Variants in AFAP1L2 observed in about 807,000 individuals in gnomAD.
AFAP1L2 encodes the protein actin filament-associated protein 1-like 2.
AFAP1L2 carries 46 observed loss-of-function variants against 99.3 expected under a neutral mutation model. The ratio of observed to expected loss-of-function variants is 0.46; its 90% CI spans 0.37 to 0.59. The LOEUF (loss-of-function observed/expected upper bound fraction) is 0.59. Among genes scored for constraint, AFAP1L2 ranks in the 20% least tolerant of loss-of-function variants. AFAP1L2 has a pLI of 0.00. For synonymous variants in AFAP1L2, 397 were observed against 419.1 expected, an observed-to-expected ratio of 0.95 and a Z score of 0.64; for missense variants, 959 against 1,034.9, an observed-to-expected ratio of 0.93 and a Z score of 1.01.
chr10:114,344,375 G>C (rs1248293464), intron 1 of AFAP1L2, among the ~76,000 whole-genome samples: 1 of 152,140 alleles, frequency 6.6e-6, no homozygotes, highest in Non-Finnish European at 1.5e-5. Flanking sequence ...AAGGCAATCG[G>C]GGTCTCAAGC....
At position 114,340,595 on chromosome 10, in the gene AFAP1L2, A is replaced by C; in HGVS notation, c.145+8T>G. 2 of 1,613,550 alleles carry C rather than the reference A, an allele frequency of 1.2e-6. No homozygotes were observed. The highest frequency in any genetic ancestry group is 1.7e-6 in the Non-Finnish European group (2 of 1,179,680). ...GAGGCCTCTGCACCACCCAGGGCCC[A>C]CACTCACTGCTGCTTTTGGTGTAAA... On this transcript the variant is annotated splice_region_variant and intron_variant, in intron 2 of 18. Coordinates refer to ENST00000304129, the MANE Select transcript of AFAP1L2 (RefSeq NM_001001936.3).
chr10:114,306,346 C>G (rs1199446233), intron 10 of AFAP1L2, among the ~76,000 whole-genome samples: 1 of 34,876 alleles, frequency 2.9e-5, no homozygotes, highest in Non-Finnish European at 5.7e-5. Context: ...GGAGGGGACG[C>G]GGGGGCAGGA....
chr10:114,334,290 C>A lies in AFAP1L2; in HGVS notation c.146-995G>T, dbSNP rs185114268. On this transcript the variant is annotated intron_variant, in intron 2 of 18. Coordinates refer to ENST00000304129, the MANE Select transcript of AFAP1L2 (RefSeq NM_001001936.3). ...CTCCATTTCCAATCCCCCAAGGACC[C>A]TTTCTTCAGAAGTCTTCAGAGGAAG... Among the ~76,000 whole-genome samples, 168 of 152,370 alleles carry A rather than the reference C, an allele frequency of 1.1e-3. 1 individual carries two copies. Among genetic ancestry groups the A allele is most frequent in the African/African-American group, 3.8e-3 (159 of 41,586 alleles).
At chr10:114,304,181 C>T (rs1346289230) in intron 11 of AFAP1L2, among the ~76,000 whole-genome samples, 2 of 152,202 alleles carry the variant, frequency 1.3e-5, no homozygotes, top group African/African-American at 4.8e-5. Context: ...AGTGAACGGA[C>T]ATTCACGGGC....
intron 3 of AFAP1L2, 124 bp downstream of exon 3, chr10:114,333,097 A>G: frequency 1.1e-6 from 1 of 894,248 alleles, no homozygotes; most frequent in Non-Finnish European, 1.7e-6. Context: ...GCTTCCAAAA[A>G]TAACTCCGCC....
chr10:114,356,094 T>C (rs2051339813), intron 1 of AFAP1L2, among the ~76,000 whole-genome samples: 1 of 152,198 alleles, frequency 6.6e-6, no homozygotes, highest in Non-Finnish European at 1.5e-5. Flanking sequence ...TTTCTTACTA[T>C]GGTCACAATC....
intron 1 of AFAP1L2, among the ~76,000 whole-genome samples, chr10:114,381,670 T>C (rs1375575853): frequency 6.6e-6 from 1 of 151,888 alleles, no homozygotes; most frequent in East Asian, 1.9e-4. Flanking sequence ...TAAAAGGAAA[T>C]AAATTTGACC....
At chr10:114,338,427 T>C (rs1346198237) in intron 2 of AFAP1L2, among the ~76,000 whole-genome samples, 3 of 152,246 alleles carry the variant, frequency 2.0e-5, no homozygotes, top group Non-Finnish European at 4.4e-5. Context: ...TTTCCTTTTT[T>C]AAAAGAATCT....
Position 114,324,409 on chromosome 10 carries a change from C to A in AFAP1L2, c.316-1148G>T, listed in dbSNP as rs1314891686. Among the ~76,000 whole-genome samples, 64 of 146,628 alleles carry A rather than the reference C, an allele frequency of 4.4e-4. No individual in the cohort carries two copies. In the East Asian group the frequency reaches 9.7e-3, roughly 22 times the overall value. On this transcript the variant is annotated intron_variant, in intron 4 of 18. Coordinates refer to ENST00000304129, the MANE Select transcript of AFAP1L2 (RefSeq NM_001001936.3). ...CAGGGGTGCACCACCCCCCCCCCCC[C>A]CCCGGCTAATTTTTGTATTTTTAGC...
chr10:114,283,590 C>T, the AFAP1L2 span, among the ~76,000 whole-genome samples: 1 of 152,172 alleles, frequency 6.6e-6, no homozygotes, highest in Admixed American at 6.5e-5. Context: ...CCCAGCTTTG[C>T]CTCTTACCAA....
intron 2 of AFAP1L2, among the ~76,000 whole-genome samples, chr10:114,336,140 T>C (rs910254638): frequency 6.6e-6 from 1 of 152,242 alleles, no homozygotes; most frequent in African/African-American, 2.4e-5. Context: ...TCGGGTGGGC[T>C]GCAGGCTGAG....
At chr10:114,340,489 A>G (rs2048655932) in intron 2 of AFAP1L2, 114 bp downstream of exon 2, 3 of 1,389,922 alleles carry the variant, frequency 2.2e-6, no homozygotes, top group Middle Eastern at 2.6e-4. Context: ...GTGTGAGAAA[A>G]TAAGTGTCAT....
intron 4 of AFAP1L2, among the ~76,000 whole-genome samples, chr10:114,328,649 T>C (rs1203163823): frequency 6.6e-6 from 1 of 152,212 alleles, no homozygotes; most frequent in Non-Finnish European, 1.5e-5. Flanking sequence ...AGCATGGCCA[T>C]GGGGTTCCAG....
intron 8 of AFAP1L2, among the ~76,000 whole-genome samples, chr10:114,308,926 A>G (rs2134404824): frequency 6.6e-6 from 1 of 152,354 alleles, no homozygotes; most frequent in Non-Finnish European, 1.5e-5. Context: ...TGGCCGGAGC[A>G]TTCTGCTGCC....
At chr10:114,304,955 G>C (rs772139878) in intron 10 of AFAP1L2, 25 bp from the exon 11 acceptor site, 1 of 1,601,442 alleles carries the variant, frequency 6.2e-7, no homozygotes, top group African/African-American at 1.3e-5. Flanking sequence ...GCAGATGCAG[G>C]AGGGGACAGG....
intron 1 of AFAP1L2, among the ~76,000 whole-genome samples, chr10:114,358,363 C>T (rs1361499594): frequency 6.6e-6 from 1 of 152,122 alleles, no homozygotes; most frequent in Non-Finnish European, 1.5e-5. Flanking sequence ...CAAATGATGA[C>T]AAAGGATATC....
chr10:114,296,920 GC>G (rs772799720), intron 18 of AFAP1L2, 57 bp downstream of exon 18: 5 of 1,612,908 alleles, frequency 3.1e-6, no homozygotes, highest in Non-Finnish European at 4.2e-6. Context: ...CAGAAGATGG[GC>G]CCCTACCTTA....
intron 8 of AFAP1L2, among the ~76,000 whole-genome samples, chr10:114,309,992 A>G (rs1002952302): frequency 1.3e-5 from 2 of 152,058 alleles, no homozygotes; most frequent in African/African-American, 4.8e-5. Context: ...CACTGGCGCT[A>G]TCTCAGCTCA....
In AFAP1L2 at chr10:114,331,747, C is replaced by G. The variant is rs532008520; in HGVS notation, c.315+56G>C. ...AGTGAGCTGACACCTGTGGAGACAACTGGAAGTTCAAGGGGCTCACGTCAG... is the reference window on the plus strand; with the variant it reads ...AGTGAGCTGACACCTGTGGAGACAAGTGGAAGTTCAAGGGGCTCACGTCAG... On this transcript the variant is annotated intron_variant, in intron 4 of 18. Coordinates refer to ENST00000304129, the MANE Select transcript of AFAP1L2 (RefSeq NM_001001936.3). 4.5e-4 allele frequency: 550 copies of G among 1,227,536 alleles called. 3 individuals carry two copies. The Middle Eastern group carries it at 0.017, about 37-fold the overall frequency. 76.0% of individuals were successfully genotyped at this position (1,227,536 alleles called of 1,614,324 possible). A position where few individuals can be genotyped will look rare whatever the true frequency, so the allele number is the denominator to read the frequency against.
Sources: gnomAD v4.1 joint callset for allele counts (sites outside exome capture counted in the v4.1 genomes callset) on GRCh38, gnomAD v4.1.1 for gene constraint, MANE v1.5 for transcripts, NCBI Gene and HGNC (gene_info 2026-07-23, HGNC 2026-07-21) for gene names.